The following PRKCA variants were observed in gnomAD, a reference collection of about 807,000 sequenced individuals.
The protein encoded by PRKCA is protein kinase C alpha type.
In PRKCA, 27 loss-of-function variants were observed where a neutral mutation model predicts 87.0. That is an observed-to-expected ratio of 0.31 (90% CI 0.23 to 0.43). PRKCA has a LOEUF of 0.43. Among genes scored for constraint, PRKCA ranks in the 20% least tolerant of loss-of-function variants. The pLI is 1.00. For missense variants in PRKCA, 518 were observed against 852.3 expected (o/e 0.61, Z 4.88); for synonymous variants, 329 against 311.1 (o/e 1.06, Z -0.61).
rs577987313 is a variant in PRKCA at position 66,534,340 on chromosome 17, C to T, written c.288+38057C>T. ...GTCGATTCTTATCCCTAATTGACTTCCTCTTGGGTTTTGTAGTCTGAGTAT... is the reference window on the plus strand; with the variant it reads ...GTCGATTCTTATCCCTAATTGACTTTCTCTTGGGTTTTGTAGTCTGAGTAT... On this transcript the variant is annotated intron_variant, in intron 3 of 16. Coordinates refer to ENST00000413366, the MANE Select transcript of PRKCA (RefSeq NM_002737.3). Among the ~76,000 whole-genome samples, 4 of 152,158 alleles carry T rather than the reference C, an allele frequency of 2.6e-5. No homozygotes were observed. In the South Asian group the frequency reaches 8.3e-4, roughly 32 times the overall value.
chr17:66,461,205 C>CAAAAAAA (rs34496253), intron 2 of PRKCA, among the ~76,000 whole-genome samples: 9 of 93,004 alleles, frequency 9.7e-5, no homozygotes, highest in East Asian at 3.5e-4. Context: ...GACCCCATCT[C>CAAAAAAA]AAAAAAAAAA....
chr17:66,588,885 C>T (rs1393115286), intron 3 of PRKCA, among the ~76,000 whole-genome samples: 2 of 151,984 alleles, frequency 1.3e-5, no homozygotes, highest in African/African-American at 2.4e-5. Flanking sequence ...AGGTAATCCA[C>T]CTGTCTCAGT....
At chr17:66,619,240 A>G (rs924459943) in intron 3 of PRKCA, among the ~76,000 whole-genome samples, 5 of 152,196 alleles carry the variant, frequency 3.3e-5, no homozygotes, top group Non-Finnish European at 5.9e-5. Flanking sequence ...TGTTTCCAAA[A>G]GGAAACAAAT....
intron 8 of PRKCA, among the ~76,000 whole-genome samples, chr17:66,690,700 T>C (rs7221981): frequency 0.61 from 91,988 of 151,336 alleles, 28,043 homozygotes; most frequent in African/African-American, 0.66. Context: ...TGGTGGCATG[T>C]GCCTGTACTC....
chr17:66,450,973 C>T (rs1420482219), intron 2 of PRKCA, among the ~76,000 whole-genome samples: 3 of 152,156 alleles, frequency 2.0e-5, no homozygotes, highest in African/African-American at 7.2e-5. Flanking sequence ...ATGACCTGCT[C>T]TGTGGGTCTC....
At chr17:66,762,569 G>A (rs1213911118) in intron 13 of PRKCA, among the ~76,000 whole-genome samples, 1 of 152,174 alleles carries the variant, frequency 6.6e-6, no homozygotes, top group African/African-American at 2.4e-5. Flanking sequence ...TAATTAGGAA[G>A]TATCTCGATT....
At chr17:66,591,964 G>C (rs560495526) in intron 3 of PRKCA, among the ~76,000 whole-genome samples, 19 of 152,214 alleles carry the variant, frequency 1.2e-4, no homozygotes, top group Non-Finnish European at 1.8e-4. Context: ...AAGAGTGTCT[G>C]GTCCTAGCTT....
intron 5 of PRKCA, among the ~76,000 whole-genome samples, chr17:66,663,769 C>T (rs1184258498): frequency 6.6e-6 from 1 of 152,102 alleles, no homozygotes; most frequent in Admixed American, 6.5e-5. Flanking sequence ...CTTCCCCGGC[C>T]CTCCCTTTCT....
intron 13 of PRKCA, among the ~76,000 whole-genome samples, chr17:66,751,374 G>C (rs907487666): frequency 6.6e-6 from 1 of 152,200 alleles, no homozygotes; most frequent in Admixed American, 6.5e-5. Context: ...ATGCTGGCCC[G>C]CCAGCCTCAG....
intron 5 of PRKCA, among the ~76,000 whole-genome samples, chr17:66,671,209 C>CAAAAA (rs778507190): frequency 0.041 from 1,988 of 48,238 alleles, 161 homozygotes; most frequent in East Asian, 0.12. Flanking sequence ...AGACTCATCT[C>CAAAAA]AAAAAAAAAA....
At chr17:66,671,995 A>G (rs760558041) in intron 5 of PRKCA, among the ~76,000 whole-genome samples, 2 of 152,248 alleles carry the variant, frequency 1.3e-5, no homozygotes, top group African/African-American at 2.4e-5. Context: ...CTGTACACCA[A>G]AATAAATTTC....
At chr17:66,605,306 T>C (rs534543104) in intron 3 of PRKCA, among the ~76,000 whole-genome samples, 1 of 152,200 alleles carries the variant, frequency 6.6e-6, no homozygotes, top group Non-Finnish European at 1.5e-5. Context: ...CCATGAGACC[T>C]GTGGGACTCC....
intron 2 of PRKCA, among the ~76,000 whole-genome samples, chr17:66,349,498 T>C (rs1334948764): frequency 6.6e-6 from 1 of 152,150 alleles, no homozygotes; most frequent in Non-Finnish European, 1.5e-5. Context: ...AAAGAAACCA[T>C]CACACCCTTG....
chr17:66,574,303 G>T (rs1443799141), intron 3 of PRKCA, among the ~76,000 whole-genome samples: 1 of 152,084 alleles, frequency 6.6e-6, no homozygotes, highest in Non-Finnish European at 1.5e-5. Context: ...CTGTACCTCA[G>T]CTGGACTTCA....
intron 2 of PRKCA, among the ~76,000 whole-genome samples, chr17:66,374,235 C>G (rs1017092239): frequency 6.6e-6 from 1 of 152,152 alleles, no homozygotes; most frequent in East Asian, 1.9e-4. Context: ...ACCTCCAGCT[C>G]GCCCCGCCTG....
At chr17:66,703,330 A>C (rs1183880882) in intron 8 of PRKCA, 3 of 152,058 alleles carry the variant, frequency 2.0e-5, no homozygotes, top group Non-Finnish European at 4.4e-5. Context: ...TACACAGGTC[A>C]GGATCATCCA....
chr17:66,687,032 A>G, intron 5 of PRKCA, 79 bp from the exon 6 acceptor site: 1 of 1,267,566 alleles, frequency 7.9e-7, no homozygotes, highest in Non-Finnish European at 1.1e-6. Flanking sequence ...TCTTTTATTC[A>G]GCTTGGTATT....
intron 16 of PRKCA, among the ~76,000 whole-genome samples, chr17:66,798,477 TGGTGGTGGTGAC>T (rs1454381076): frequency 2.9e-5 from 2 of 69,434 alleles, no homozygotes; most frequent in East Asian, 5.1e-4. Flanking sequence ...GTGGTGGTGG[TGGTGGTGGTGAC>T]GGTGGTGGTG....
chr17:66,509,627 T>C (rs1053409151), intron 3 of PRKCA, among the ~76,000 whole-genome samples: 1 of 152,198 alleles, frequency 6.6e-6, no homozygotes, highest in African/African-American at 2.4e-5. Flanking sequence ...GTTAGTATCA[T>C]ACAAAAACAC....
Sources: allele counts gnomAD v4.1 joint callset (sites outside exome capture counted in the v4.1 genomes callset), GRCh38; gene constraint gnomAD v4.1.1; transcripts MANE v1.5; gene names NCBI Gene and HGNC (gene_info 2026-07-23, HGNC 2026-07-21).